Variants in RELN observed in about 807,000 individuals in gnomAD.
RELN encodes reelin.
RELN carries 108 observed loss-of-function variants against 427.6 expected under a neutral mutation model. The ratio of observed to expected loss-of-function variants is 0.25; its 90% CI spans 0.22 to 0.30. The LOEUF is 0.30. RELN is among the 10% of genes least tolerant of loss of function. The pLI is 1.00. For missense variants in RELN, 3,715 were observed against 4,302.8 expected (o/e 0.86, Z 3.82); for synonymous variants, 1,524 against 1,513.4 (o/e 1.01, Z -0.16).
intron 46 of RELN, among the ~76,000 whole-genome samples, chr7:103,529,134 C>CAAAAAA (rs11301890): frequency 6.8e-6 from 1 of 146,530 alleles, no homozygotes; most frequent in Non-Finnish European, 1.5e-5. Flanking sequence ...GACTCCATCT[C>CAAAAAA]AAAAAAAAAA....
chr7:103,764,963 G>C (rs1366929477), intron 4 of RELN, among the ~76,000 whole-genome samples: 1 of 151,968 alleles, frequency 6.6e-6, no homozygotes, highest in Non-Finnish European at 1.5e-5. Flanking sequence ...CGAGTCCTCT[G>C]GATTAGTTGG....
At chr7:103,737,178 G>T (rs1319327743) in intron 6 of RELN, among the ~76,000 whole-genome samples, 2 of 152,160 alleles carry the variant, frequency 1.3e-5, no homozygotes, top group Admixed American at 6.5e-5. Flanking sequence ...TGTCATCAGA[G>T]AAAATATTTA....
intron 3 of RELN, among the ~76,000 whole-genome samples, chr7:103,823,974 G>T (rs1333890617): frequency 6.6e-6 from 1 of 152,060 alleles, no homozygotes; most frequent in African/African-American, 2.4e-5. Flanking sequence ...TGATGATATT[G>T]TTCCATTGTC....
At chr7:103,934,211 GT>G (rs1334439457) in intron 1 of RELN, among the ~76,000 whole-genome samples, 2 of 152,106 alleles carry the variant, frequency 1.3e-5, no homozygotes, top group African/African-American at 4.8e-5. Context: ...TTCACTCTGT[GT>G]ATCTTTCCCA....
Position 103,629,966 on chromosome 7 carries a change from T to C in RELN, c.2676A>G (p.Pro892=). Residue 892 remains proline (P), a synonymous_variant, in exon 20 of 65, where the codon CCA becomes CCG. Coordinates refer to ENST00000428762, the MANE Select transcript of RELN (RefSeq NM_005045.4). The stretch of plus-strand genomic sequence containing the variant: ...AAAGGGTCCAGTCGTGGCCACAGTA[T>C]GGCTGAACATTTCCAAGGTAGAATC... ...SLGFYLGNVQ[P]YCGHDWTLCF... is the part of the protein sequence containing the mutation. 6.2e-7 allele frequency: 1 copy of C among 1,612,502 alleles called. No individual in the cohort carries two copies. Among genetic ancestry groups the C allele is most frequent in the Non-Finnish European group, 8.5e-7 (1 of 1,178,560 alleles).
At chr7:103,919,261 G>A (rs1795560189) in intron 1 of RELN, among the ~76,000 whole-genome samples, 1 of 149,846 alleles carries the variant, frequency 6.7e-6, no homozygotes, top group Non-Finnish European at 1.5e-5. Context: ...CAATCTCTGT[G>A]TGTAAAAACC....
intron 4 of RELN, among the ~76,000 whole-genome samples, chr7:103,772,533 T>G (rs1172846390): frequency 6.6e-6 from 1 of 152,166 alleles, no homozygotes; most frequent in Non-Finnish European, 1.5e-5. Context: ...TTGAGAATTC[T>G]GTAGAGAGAG....
intron 2 of RELN, 80 bp from the exon 3 acceptor site, chr7:103,833,752 T>A: frequency 7.1e-7 from 1 of 1,405,252 alleles, no homozygotes; most frequent in Admixed American, 1.9e-5. Context: ...ATTTTCTGAA[T>A]ATTTTTCTTT....
At chr7:103,932,833 G>T (rs1209316279) in intron 1 of RELN, among the ~76,000 whole-genome samples, 2 of 152,144 alleles carry the variant, frequency 1.3e-5, no homozygotes, top group Non-Finnish European at 2.9e-5. Flanking sequence ...GCTCCTGGGG[G>T]CAGTTAATTC....
chr7:103,593,421 T>G (rs1831465719), intron 27 of RELN, among the ~76,000 whole-genome samples: 1 of 152,200 alleles, frequency 6.6e-6, no homozygotes, highest in South Asian at 2.1e-4. Context: ...TAAAAGTCAA[T>G]TTTATTTTTA....
intron 29 of RELN, among the ~76,000 whole-genome samples, chr7:103,574,673 T>A (rs362814): frequency 0.74 from 112,900 of 151,624 alleles, 42,368 homozygotes; most frequent in African/African-American, 0.83. Flanking sequence ...GTCTCAAATT[T>A]AAAAAAAATC....
rs189237175 is a variant in RELN, at chr7:103,551,811, T to A, written c.6073-515A>T. On this transcript the variant is annotated intron_variant, in intron 40 of 64. Transcript: ENST00000428762. ...TCCCTGGCACAGGGAAAGATTTTTTTAAACTTATATATACTTAAGGTGTAC... is the reference window on the plus strand; with the variant it reads ...TCCCTGGCACAGGGAAAGATTTTTTAAAACTTATATATACTTAAGGTGTAC... 5.0e-4 allele frequency among the ~76,000 whole-genome samples: 76 copies of A among 152,228 alleles called. No individual in the cohort carries two copies. In the East Asian group the frequency reaches 0.013, roughly 25 times the overall value.
At chr7:103,606,750 C>G (rs996351720) in intron 22 of RELN, among the ~76,000 whole-genome samples, 1 of 152,022 alleles carries the variant, frequency 6.6e-6, no homozygotes, top group Non-Finnish European at 1.5e-5. Flanking sequence ...AATTGTTTTC[C>G]TAAGTAAATT....
intron 5 of RELN, among the ~76,000 whole-genome samples, chr7:103,752,941 G>C (rs1323291214): frequency 6.6e-6 from 1 of 151,936 alleles, no homozygotes. Flanking sequence ...TAGGATCTCA[G>C]GGCTGAGGGT....
chr7:103,576,011 T>C (rs1314111275), intron 28 of RELN, among the ~76,000 whole-genome samples: 3 of 152,042 alleles, frequency 2.0e-5, no homozygotes. Context: ...GGTGGGCGGA[T>C]CACAAGGTCA....
chr7:103,819,105 T>C lies in RELN; in HGVS notation c.473+14432A>G, dbSNP rs551599920. On this transcript the variant is annotated intron_variant, in intron 3 of 64. Transcript: ENST00000428762. ...GTGTCAGTGTGACTGTGCGTCTCTGTACATATATGAATATTTGCTTAGCTG... is the reference window on the plus strand; with the variant it reads ...GTGTCAGTGTGACTGTGCGTCTCTGCACATATATGAATATTTGCTTAGCTG... Among the ~76,000 whole-genome samples the C allele has an allele frequency of 1.9e-4, 29 of 152,292 alleles. 1 individual carries two copies. The South Asian group carries it at 5.6e-3, about 29-fold the overall frequency.
chr7:103,931,782 T>C (rs905542670), intron 1 of RELN, among the ~76,000 whole-genome samples: 2 of 152,160 alleles, frequency 1.3e-5, no homozygotes, highest in Non-Finnish European at 2.9e-5. Flanking sequence ...AAGTCTCCAA[T>C]ATGCTTCCAC....
At chr7:103,903,684 T>C (rs1038500370) in intron 2 of RELN, among the ~76,000 whole-genome samples, 1 of 152,150 alleles carries the variant, frequency 6.6e-6, no homozygotes, top group African/African-American at 2.4e-5. Context: ...ATTATATATG[T>C]TTCCTATATA....
chr7:103,728,274 A>G, intron 6 of RELN, 67 bp from the exon 7 acceptor site: 1 of 1,373,094 alleles, frequency 7.3e-7, no homozygotes, highest in Non-Finnish European at 1.0e-6. Context: ...CTGCTCAGGT[A>G]AGAAACGATA....
Sources: gnomAD v4.1 joint callset for allele counts (sites outside exome capture counted in the v4.1 genomes callset) on GRCh38, gnomAD v4.1.1 for gene constraint, MANE v1.5 for transcripts, NCBI Gene and HGNC (gene_info 2026-07-23, HGNC 2026-07-21) for gene names.